CELSR1: variants seen among roughly 807,000 people sequenced by gnomAD.
The protein encoded by CELSR1 is cadherin EGF LAG seven-pass G-type receptor 1.
A neutral mutation model predicts 249.1 loss-of-function variants in CELSR1; 110 were observed. The ratio of observed to expected loss-of-function variants is 0.44; its 90% CI spans 0.38 to 0.52. The LOEUF (loss-of-function observed/expected upper bound fraction) is 0.52. CELSR1 is among the 20% of genes least tolerant of loss of function. The pLI, the probability that CELSR1 is intolerant of heterozygous loss-of-function variation, is 0.00. For missense variants in CELSR1, 4,109 were observed against 4,296.4 expected (o/e 0.96, Z 1.22); for synonymous variants, 2,113 against 1,900.0 (o/e 1.11, Z -2.92).
At position 46,441,457 on chromosome 22, in the gene CELSR1, C is replaced by T. The variant is rs975255212; in HGVS notation, c.4184-2046G>A. Among the ~76,000 whole-genome samples, 2 of 152,078 alleles carry T rather than the reference C, an allele frequency of 1.3e-5. No homozygotes were observed. Among genetic ancestry groups the T allele is most frequent in the East Asian group, 1.9e-4 (1 of 5,188 alleles). The stretch of plus-strand genomic sequence containing the variant: ...AGACAGAATGAAAACACACTTACGA[C>T]GCCTCAGTCTGCTTGGGCTGCCATA... On this transcript the variant is annotated intron_variant, in intron 2 of 34. Coordinates refer to ENST00000674500, the MANE Select transcript of CELSR1 (RefSeq NM_001378328.1). This position sits in a 1 kb window ranked among gnomAD's most constrained non-coding sequence, Gnocchi z 6.1.
chr22:46,403,238 A>G (rs893101898), intron 9 of CELSR1, among the ~76,000 whole-genome samples: 2 of 152,120 alleles, frequency 1.3e-5, no homozygotes, highest in African/African-American at 4.8e-5. Flanking sequence ...TGAGGAGACA[A>G]AGACAAAAAA....
Position 46,372,938 on chromosome 22 carries a change from C to A in CELSR1, c.7704G>T (p.Thr2568=), listed in dbSNP as rs747454782. The A allele has an allele frequency of 5.6e-6, 9 of 1,613,292 alleles. No homozygotes were observed. The South Asian group carries it at 9.9e-5, about 18-fold the overall frequency. Residue 2568 remains threonine (T), a synonymous_variant, in exon 25 of 35, where the codon ACG becomes ACT. Transcript: ENST00000674500. The part of the protein sequence containing the change: ...RMLTEVRNID[T]GPMRFYYVVG... ...CGACGTAGTAGAACCGCATGGGCCC[C>A]GTGTCGATGTTGCGCACCTCGGTCA...
In CELSR1 at chr22:46,533,772, G is replaced by A. The variant is rs750838463; in HGVS notation, c.3399C>T (p.Asp1133=). ...VIGCIPAHDP[D]VSDSLNYTFV... ...AGGTGTAGTTGAGGCTGTCTGACAC[G>A]TCGGGGTCATGGGCCGGGATGCAGC... Residue 1133 remains aspartate, a synonymous_variant, in exon 1 of 35, where the codon GAC becomes GAT. Coordinates refer to ENST00000674500, the MANE Select transcript of CELSR1 (RefSeq NM_001378328.1). The A allele has an allele frequency of 2.2e-5, 35 of 1,613,604 alleles. 1 individual carries two copies. The highest frequency in any genetic ancestry group is 4.4e-5 in the South Asian group (4 of 91,088).
At position 46,397,608 on chromosome 22, in the gene CELSR1, C is replaced by G. The variant is rs77163631; in HGVS notation, c.5701+66G>C. ...GGGACGCTAATGTCTAAACTGAGCC[C>G]CCCTCCTGTGTTTCAGCCATAAGAG... On this transcript the variant is annotated intron_variant, in intron 12 of 34. Transcript: ENST00000674500. 501 of 1,343,530 alleles carry G rather than the reference C, an allele frequency of 3.7e-4. 3 individuals are homozygous for G. The African/African-American group carries it at 6.3e-3, about 17-fold the overall frequency. 83.2% of individuals were successfully genotyped at this position (1,343,530 alleles called of 1,614,324 possible). A position where few individuals can be genotyped will look rare whatever the true frequency, so the allele number is the denominator to read the frequency against.
intron 20 of CELSR1, 113 bp from the exon 21 acceptor site, chr22:46,382,163 G>A: frequency 1.0e-6 from 1 of 1,004,556 alleles, no homozygotes; most frequent in Non-Finnish European, 1.4e-6. Flanking sequence ...ACAGAAAACA[G>A]TACCGTGGGT....
rs1237098298 is a variant in CELSR1 at position 46,377,159 on chromosome 22, G to A, written c.7486C>T (p.Leu2496=). ...TGAATGCTGTGCAGGTTGGAGCGCA[G>A]CATGCGGACCAGGCTCAGGAGGACG... ...AFVLLSLVRM[L]RSNLHSIHKH... is the part of the protein sequence containing the mutation. The change falls in exon 24 of 35, where the codon CTG becomes TTG. Residue 2496 remains leucine (L), a synonymous_variant. Coordinates refer to ENST00000674500, the MANE Select transcript of CELSR1 (RefSeq NM_001378328.1). 1 of 1,613,900 alleles carries A rather than the reference G, an allele frequency of 6.2e-7. No individual in the cohort carries two copies. The highest frequency in any genetic ancestry group is 8.5e-7 in the Non-Finnish European group (1 of 1,180,012).
rs766527669 is a variant in CELSR1 at position 46,437,752 on chromosome 22, C to CAAA, written c.4406+1434_4406+1436dup. Among the ~76,000 whole-genome samples the CAAA allele has an allele frequency of 7.2e-5, 8 of 110,992 alleles. No homozygotes were observed. Among genetic ancestry groups the CAAA allele is most frequent in the Admixed American group, 1.9e-4 (2 of 10,630 alleles). The allele number at this position is 110,992 out of a possible 152,430, so 72.8% of individuals were successfully genotyped here. ...CTGGCAACAAAGCAAGACTCCGTCT[C>CAAA]AAAAAAAAAAAAAAAACTGATGGTT... On this transcript the variant is annotated intron_variant, in intron 3 of 34. Coordinates refer to ENST00000674500, the MANE Select transcript of CELSR1 (RefSeq NM_001378328.1). The surrounding 1 kb of genome is among the most constrained non-coding windows in gnomAD (Gnocchi z 4.9).
At chr22:46,492,192 C>T (rs1331587112) in intron 1 of CELSR1, among the ~76,000 whole-genome samples, 1 of 152,190 alleles carries the variant, frequency 6.6e-6, no homozygotes, top group African/African-American at 2.4e-5. Context: ...GGAATGAAGC[C>T]GGCCAACATG....
chr22:46,490,178 A>T lies in CELSR1; in HGVS notation c.3545-25833T>A, dbSNP rs543244146. 6.6e-6 allele frequency among the ~76,000 whole-genome samples: 1 copy of T among 152,250 alleles called. No individual in the cohort carries two copies. The highest frequency in any genetic ancestry group is 1.5e-5 in the Non-Finnish European group (1 of 68,050). ...GCATGGGTCCTGCTCTCCTCCAGCC[A>T]TAAGACACACTCAGACACACAGGGT... On this transcript the variant is annotated intron_variant, in intron 1 of 34. Coordinates refer to ENST00000674500, the MANE Select transcript of CELSR1 (RefSeq NM_001378328.1). This position sits in a 1 kb window ranked among gnomAD's most constrained non-coding sequence, Gnocchi z 5.2.
In CELSR1 at chr22:46,534,257, C is replaced by G; in HGVS notation, c.2914G>C (p.Asp972His). 1 of 1,613,538 alleles carries G rather than the reference C, an allele frequency of 6.2e-7. No homozygotes were observed. The highest frequency in any genetic ancestry group is 8.5e-7 in the Non-Finnish European group (1 of 1,180,034). Residue 972 changes from aspartate (D) to histidine (H), a missense_variant, in exon 1 of 35, where the codon GAT becomes CAT. Around this residue, in one of 7 missense-constraint regions of CELSR1, gnomAD observed 886 missense variants for 896.5 expected, o/e 0.99. Coordinates refer to ENST00000674500, the MANE Select transcript of CELSR1 (RefSeq NM_001378328.1). This position sits in a 1 kb window ranked among gnomAD's most constrained non-coding sequence, Gnocchi z 9.7. The stretch of plus-strand genomic sequence containing the variant: ...CTAAGGGGAGTGGGACTGCCCCGAT[C>G]CACAGCCAGAGCCCAAAGGTTGTAC... ...AVYNLWALAV[D>H]RGSPTPLSAS...
intron 5 of CELSR1, among the ~76,000 whole-genome samples, chr22:46,432,336 A>G (rs1014219695): frequency 6.6e-6 from 1 of 152,184 alleles, no homozygotes; most frequent in Non-Finnish European, 1.5e-5. Context: ...AGTGGCTGTG[A>G]AAGAAGGAAG....
rs1463745295 is a variant in CELSR1, at chr22:46,440,676, TTG to T, written c.4184-1267_4184-1266del. ...TGCTGGGTTTTTGGTCCTGCTCTTATTGTGTTATAGAAGCTCCTCGTAAATTA... is the reference window on the plus strand; with the variant it reads ...TGCTGGGTTTTTGGTCCTGCTCTTATTGTTATAGAAGCTCCTCGTAAATTA... On this transcript the variant is annotated intron_variant, in intron 2 of 34. Coordinates refer to ENST00000674500, the MANE Select transcript of CELSR1 (RefSeq NM_001378328.1). This position sits in a 1 kb window ranked among gnomAD's most constrained non-coding sequence, Gnocchi z 4.7. Among the ~76,000 whole-genome samples, 1 of 152,216 alleles carries T rather than the reference TTG, an allele frequency of 6.6e-6. No individual in the cohort carries two copies. The highest frequency in any genetic ancestry group is 1.5e-5 in the Non-Finnish European group (1 of 68,030).
In CELSR1 at chr22:46,391,601, T is replaced by A. The variant is rs759917520; in HGVS notation, c.6148+32A>T. On this transcript the variant is annotated intron_variant, in intron 15 of 34. Coordinates refer to ENST00000674500, the MANE Select transcript of CELSR1 (RefSeq NM_001378328.1). The surrounding 1 kb of genome is among the most constrained non-coding windows in gnomAD (Gnocchi z 4.3). ...AGTGCAGCAGCCTGTCCCCGCGCTG[T>A]AACCTGCAGGGTGTCGAGGGGCAAC... The A allele has an allele frequency of 6.4e-7, 1 of 1,553,658 alleles. No homozygotes were observed. Among genetic ancestry groups the A allele is most frequent in the Non-Finnish European group, 8.6e-7 (1 of 1,157,690 alleles).
At position 46,393,375 on chromosome 22, in the gene CELSR1, G is replaced by A. The variant is rs557540735; in HGVS notation, c.5964+767C>T. 1.3e-5 allele frequency among the ~76,000 whole-genome samples: 2 copies of A among 152,328 alleles called. No homozygotes were observed. Among genetic ancestry groups the A allele is most frequent in the Admixed American group, 1.3e-4 (2 of 15,306 alleles). On this transcript the variant is annotated intron_variant, in intron 14 of 34. Transcript: ENST00000674500. The surrounding 1 kb of genome is among the most constrained non-coding windows in gnomAD (Gnocchi z 4.1). ...GGACTGACCGCCCTGGACAGGCGTG[G>A]GGCATAACGCACTTAGTGACACTTT... is the stretch of plus-strand genomic sequence containing the variant.
At chr22:46,397,277 C>CTTTT (rs528088887) in intron 12 of CELSR1, among the ~76,000 whole-genome samples, 14 of 78,746 alleles carry the variant, frequency 1.8e-4, no homozygotes, top group South Asian at 4.1e-4. Context: ...CTAATTTTTG[C>CTTTT]TTTTTTTTTT....
At position 46,389,497 on chromosome 22, in the gene CELSR1, A is replaced by C. The variant is rs375420509; in HGVS notation, c.6348T>G (p.Asn2116Lys). Residue 2116 changes from asparagine (N) to lysine (K), a missense_variant and splice_region_variant, in exon 18 of 35, where the codon AAT becomes AAG. Asn to Lys is a moderately conservative substitution (Grantham distance 94, BLOSUM62 0). Coordinates refer to ENST00000674500, the MANE Select transcript of CELSR1 (RefSeq NM_001378328.1). ...GCGTCTCATTGCGGCTCAGCTTCTC[A>C]TTCTGGAACAGGGAGGCAGTCGTGA... Reference protein sequence around the residue: ...TISFVDLRAMNEKLSRNETQV... With the variant: ...TISFVDLRAMKEKLSRNETQV... The C allele has an allele frequency of 3.2e-5, 52 of 1,613,064 alleles. No homozygotes were observed. The Admixed American group carries it at 5.0e-4, about 16-fold the overall frequency.
intron 1 of CELSR1, among the ~76,000 whole-genome samples, chr22:46,533,122 A>G (rs2080809429): frequency 6.6e-6 from 1 of 152,198 alleles, no homozygotes; most frequent in Non-Finnish European, 1.5e-5. Flanking sequence ...AGGAGACAGA[A>G]AAGCCAGACC....
intron 5 of CELSR1, among the ~76,000 whole-genome samples, chr22:46,432,051 C>T (rs915717602): frequency 6.6e-6 from 1 of 152,224 alleles, no homozygotes; most frequent in African/African-American, 2.4e-5. Flanking sequence ...ATCTGCCCTC[C>T]TCCCAAATGA....
At chr22:46,424,961 ACT>A (rs1048245968) in intron 5 of CELSR1, among the ~76,000 whole-genome samples, 49 of 152,328 alleles carry the variant, frequency 3.2e-4, no homozygotes, top group Admixed American at 3.1e-3. Flanking sequence ...ACAAGGCAAA[ACT>A]CTGTCTGAAA....
Sources: gnomAD v4.1 joint callset for allele counts (sites outside exome capture counted in the v4.1 genomes callset) on GRCh38, gnomAD v4.1.1 for gene constraint, gnomAD v4.1.1 regional missense constraint, Gnocchi (gnomAD v3.1) non-coding constraint, MANE v1.5 for transcripts, NCBI Gene and HGNC (gene_info 2026-07-23, HGNC 2026-07-21) for gene names.